The following TPRG1 variants were observed in gnomAD, a reference collection of about 807,000 sequenced individuals.
TPRG1 encodes the protein tumor protein p63 regulated 1.
Under a neutral mutation model 29.3 loss-of-function variants are expected in TPRG1, and 29 were observed. That is an observed-to-expected ratio of 0.99 (90% CI 0.74 to 1.35). TPRG1 has a LOEUF of 1.35. TPRG1 is among the 40% of genes most tolerant of loss of function. The pLI, the probability that TPRG1 is intolerant of heterozygous loss-of-function variation, is 0.00. For synonymous variants in TPRG1, 130 were observed against 116.8 expected, an observed-to-expected ratio of 1.11 and a Z score of -0.73; for missense variants, 327 against 335.0, an observed-to-expected ratio of 0.98 and a Z score of 0.19.
rs553908547 is a variant in TPRG1 at position 189,311,382 on chromosome 3, C to T, written c.633+843C>T. 2.0e-5 allele frequency among the ~76,000 whole-genome samples: 3 copies of T among 152,214 alleles called. No homozygotes were observed. In the South Asian group the frequency reaches 6.2e-4, roughly 32 times the overall value. ...TTCTTTATTTGCTATGAATTCAAAA[C>T]TTGGCAATCTGTATGTAAAGACTTT... On this transcript the variant is annotated intron_variant, in intron 5 of 5. Transcript: ENST00000345063.
chr3:189,175,305 C>T (rs943653586), intron 1 of TPRG1, among the ~76,000 whole-genome samples: 2 of 152,052 alleles, frequency 1.3e-5, no homozygotes, highest in Admixed American at 6.5e-5. Context: ...GAGTTTTCAA[C>T]AAGAGAAGAG....
chr3:189,294,007 C>A (rs531892034), intron 4 of TPRG1, among the ~76,000 whole-genome samples: 3 of 152,336 alleles, frequency 2.0e-5, no homozygotes, highest in East Asian at 1.9e-4. Context: ...AACCTTTTGG[C>A]CTGTTTCCCT....
At chr3:189,013,984 G>GC (rs1465608662) in intron 3 of TPRG1, among the ~76,000 whole-genome samples, 1 of 152,064 alleles carries the variant, frequency 6.6e-6, no homozygotes, top group Non-Finnish European at 1.5e-5. Flanking sequence ...TTCATTGGGG[G>GC]CCCATGTCGT....
intron 3 of TPRG1, among the ~76,000 whole-genome samples, chr3:189,141,636 C>G (rs1724574950): frequency 6.6e-6 from 1 of 152,172 alleles, no homozygotes; most frequent in African/African-American, 2.4e-5. Flanking sequence ...ACAAACTGCT[C>G]TGAGCACTTT....
chr3:189,018,197 G>C (rs1560396583), intron 3 of TPRG1, among the ~76,000 whole-genome samples: 1 of 147,924 alleles, frequency 6.8e-6, no homozygotes, highest in Non-Finnish European at 1.5e-5. Flanking sequence ...TCACTCTGAT[G>C]GTAGTTTCTT....
chr3:189,108,606 A>C (rs1484211965), intron 1 of TPRG1, among the ~76,000 whole-genome samples: 1 of 148,064 alleles, frequency 6.8e-6, no homozygotes, highest in African/African-American at 2.5e-5. Context: ...TAAGATTTTT[A>C]TGTGCATTCT....
chr3:189,265,759 C>G (rs940120905), intron 4 of TPRG1, among the ~76,000 whole-genome samples: 2 of 152,160 alleles, frequency 1.3e-5, no homozygotes, highest in Admixed American at 6.5e-5. Context: ...ACTACAGCCA[C>G]CATCGTGAAC....
At chr3:189,017,883 T>C (rs848999) in intron 3 of TPRG1, among the ~76,000 whole-genome samples, 148,501 of 151,138 alleles carry the variant, frequency 0.98, 73,007 homozygotes, top group South Asian at 1. Flanking sequence ...ACATCCTCTC[T>C]GGCACCTGTT....
At chr3:189,214,314 G>A (rs1402394221) in intron 2 of TPRG1, among the ~76,000 whole-genome samples, 2 of 152,114 alleles carry the variant, frequency 1.3e-5, no homozygotes, top group Non-Finnish European at 2.9e-5. Flanking sequence ...AAAATTATGT[G>A]AATACAGGAA....
intron 5 of TPRG1, among the ~76,000 whole-genome samples, chr3:189,314,948 T>C (rs1231666596): frequency 6.6e-6 from 1 of 152,110 alleles, no homozygotes; most frequent in Non-Finnish European, 1.5e-5. Context: ...AGTAAGACCA[T>C]GTCTTTAAAA....
intron 5 of TPRG1, among the ~76,000 whole-genome samples, chr3:189,153,766 G>A (rs1048830617): frequency 2.0e-5 from 3 of 152,172 alleles, no homozygotes; most frequent in Non-Finnish European, 4.4e-5. Context: ...ACTCTGGCTC[G>A]TATAGGCAAA....
intron 1 of TPRG1, among the ~76,000 whole-genome samples, chr3:189,122,948 A>G (rs917407628): frequency 1.3e-5 from 2 of 152,220 alleles, no homozygotes; most frequent in African/African-American, 4.8e-5. Context: ...GCCAGGCACT[A>G]TTCTAGTTTT....
intron 4 of TPRG1, among the ~76,000 whole-genome samples, chr3:189,084,659 T>G (rs1421411940): frequency 6.6e-6 from 1 of 152,228 alleles, no homozygotes; most frequent in African/African-American, 2.4e-5. Flanking sequence ...TCACTATGCG[T>G]TTCTCTCAGA....
chr3:189,110,093 T>C (rs1347197398), intron 1 of TPRG1, among the ~76,000 whole-genome samples: 3 of 152,202 alleles, frequency 2.0e-5, no homozygotes, highest in African/African-American at 7.2e-5. Context: ...TACAGGATTT[T>C]GTGTGAATAT....
intron 2 of TPRG1, among the ~76,000 whole-genome samples, chr3:189,214,383 A>G (rs1735721275): frequency 6.6e-6 from 1 of 152,238 alleles, no homozygotes; most frequent in Admixed American, 6.5e-5. Flanking sequence ...TTTTGAGAGG[A>G]CAAGTGGGAC....
At chr3:189,128,052 A>C (rs993012733) in intron 2 of TPRG1, among the ~76,000 whole-genome samples, 7 of 152,220 alleles carry the variant, frequency 4.6e-5, no homozygotes, top group Admixed American at 2.0e-4. Context: ...AGCTTAAAAA[A>C]TCTGCACAGT....
intron 4 of TPRG1, among the ~76,000 whole-genome samples, chr3:189,058,109 C>A (rs960079201): frequency 2.0e-5 from 3 of 151,992 alleles, no homozygotes; most frequent in South Asian, 2.1e-4. Flanking sequence ...TATCCACTAC[C>A]TGTAGAGTGA....
intron 1 of TPRG1, among the ~76,000 whole-genome samples, chr3:189,190,347 T>G (rs1311724598): frequency 6.6e-6 from 1 of 152,216 alleles, no homozygotes; most frequent in African/African-American, 2.4e-5. Flanking sequence ...ATTCTGGCCC[T>G]GTGAGCTTCA....
chr3:189,192,061 A>G (rs1010767653), intron 1 of TPRG1, among the ~76,000 whole-genome samples: 14 of 152,188 alleles, frequency 9.2e-5, no homozygotes, highest in African/African-American at 3.1e-4. Context: ...CAAGCTCACA[A>G]TTTACCCATG....
Sources: allele counts gnomAD v4.1 joint callset (sites outside exome capture counted in the v4.1 genomes callset), GRCh38; gene constraint gnomAD v4.1.1; transcripts MANE v1.5; gene names NCBI Gene and HGNC (gene_info 2026-07-23, HGNC 2026-07-21).